Variants in WIPF3 observed in about 807,000 individuals in gnomAD.
WIPF3 encodes the protein WAS/WASL-interacting protein family member 3.
Under a neutral mutation model 38.9 loss-of-function variants are expected in WIPF3, and 33 were observed. The ratio of observed to expected loss-of-function variants is 0.85; its 90% CI spans 0.64 to 1.14. The LOEUF is 1.14. Among genes scored for constraint, WIPF3 ranks in the 50% most tolerant of loss-of-function variants. The pLI is 0.00. For missense variants in WIPF3, 711 were observed against 652.5 expected (o/e 1.09, Z -0.98); for synonymous variants, 324 against 269.3 (o/e 1.20, Z -1.99).
Position 29,836,922 on chromosome 7 carries a change from C to T in WIPF3, c.90+2108C>T, listed in dbSNP as rs139158332. ...GGGAGAATTACTTGAACCCAGGAGG[C>T]GGAGGTTGCAGTGAGCCAACATCGC... On this transcript the variant is annotated intron_variant, in intron 2 of 8. Transcript: ENST00000242140. Among the ~76,000 whole-genome samples, 951 of 152,112 alleles carry T rather than the reference C, an allele frequency of 6.3e-3. 10 individuals carry two copies. Among genetic ancestry groups the T allele is most frequent in the African/African-American group, 0.021 (889 of 41,470 alleles).
chr7:29,843,214 G>A (rs140970997), intron 2 of WIPF3, among the ~76,000 whole-genome samples: 23 of 152,336 alleles, frequency 1.5e-4, no homozygotes, highest in African/African-American at 4.8e-4. Context: ...GGAAGAGAAA[G>A]AGGTGTGGCA....
At chr7:29,886,765 A>ATT (rs927619837) in intron 5 of WIPF3, among the ~76,000 whole-genome samples, 1 of 151,926 alleles carries the variant, frequency 6.6e-6, no homozygotes, top group African/African-American at 2.4e-5. Flanking sequence ...TTAATACTGA[A>ATT]TTTTTTTTAT....
At position 29,875,936 on chromosome 7, in the gene WIPF3, A is replaced by G. The variant is rs367618336; in HGVS notation, c.197A>G (p.Asn66Ser). 22 of 1,613,876 alleles carry G rather than the reference A, an allele frequency of 1.4e-5. No homozygotes were observed. The highest frequency in any genetic ancestry group is 1.9e-5 in the Non-Finnish European group (22 of 1,179,898). ...GTRLRKVTQI[N>S]DRSAPQIESS... ...CGCCTGCGCAAAGTCACGCAGATCA[A>G]CGACCGCAGTGCCCCGCAGATCGAG... The change falls in exon 3 of 9, where the codon AAC (asparagine) becomes AGC (serine). Residue 66 changes from asparagine (N) to serine (S), a missense_variant. Physicochemically the swap from Asn to Ser is conservative, Grantham distance 46 (BLOSUM62 1). Coordinates refer to ENST00000242140, the MANE Select transcript of WIPF3 (RefSeq NM_001080529.3).
At chr7:29,817,711 A>G (rs1038225886) in intron 1 of WIPF3, among the ~76,000 whole-genome samples, 1 of 152,106 alleles carries the variant, frequency 6.6e-6, no homozygotes, top group African/African-American at 2.4e-5. Flanking sequence ...ACCATTACTG[A>G]TTCTCCATAT....
chr7:29,810,781 T>C (rs1332106948), intron 1 of WIPF3, among the ~76,000 whole-genome samples: 4 of 152,262 alleles, frequency 2.6e-5, no homozygotes, highest in Admixed American at 1.3e-4. Context: ...TTATTTGCTG[T>C]ATGATCTTGG....
chr7:29,868,629 T>C (rs2128071971), intron 2 of WIPF3, among the ~76,000 whole-genome samples: 1 of 152,126 alleles, frequency 6.6e-6, no homozygotes. Context: ...AAAGGGTATA[T>C]GTTCTGAAGC....
Position 29,889,369 on chromosome 7 carries a change from A to G in WIPF3, c.1313A>G (p.Lys438Arg), listed in dbSNP as rs1329542732. ...VEDFPPPDEY[K>R]PCQKIYPSKI... ...GACTTTCCCCCTCCGGATGAATATAAACCATGCCAGAAGATTTACCCCAGC... is the reference window on the plus strand; with the variant it reads ...GACTTTCCCCCTCCGGATGAATATAGACCATGCCAGAAGATTTACCCCAGC... Residue 438 changes from lysine (K) to arginine (R), a missense_variant, in exon 7 of 9, where the codon AAA becomes AGA. Physicochemically the swap from Lys to Arg is conservative, Grantham distance 26. Coordinates refer to ENST00000242140, the MANE Select transcript of WIPF3 (RefSeq NM_001080529.3). 1.2e-6 allele frequency: 2 copies of G among 1,613,868 alleles called. No homozygotes were observed. Among genetic ancestry groups the G allele is most frequent in the Non-Finnish European group, 1.7e-6 (2 of 1,179,896 alleles).
intron 2 of WIPF3, among the ~76,000 whole-genome samples, chr7:29,854,776 C>T (rs779154678): frequency 1.3e-5 from 2 of 152,180 alleles, no homozygotes; most frequent in Non-Finnish European, 2.9e-5. Flanking sequence ...AATCCTAACC[C>T]CCAGTGCCTC....
At chr7:29,812,847 T>C (rs1393376402) in intron 1 of WIPF3, among the ~76,000 whole-genome samples, 1 of 152,218 alleles carries the variant, frequency 6.6e-6, no homozygotes, top group Non-Finnish European at 1.5e-5. Flanking sequence ...GACTCAGTAA[T>C]TTTAAATGTT....
intron 1 of WIPF3, among the ~76,000 whole-genome samples, chr7:29,808,822 G>C (rs1784328293): frequency 6.6e-6 from 1 of 152,010 alleles, no homozygotes; most frequent in African/African-American, 2.4e-5. Context: ...ATATAGTACA[G>C]GTTGCGAGTT....
At chr7:29,829,453 A>T (rs1315790306) in intron 1 of WIPF3, among the ~76,000 whole-genome samples, 1 of 151,852 alleles carries the variant, frequency 6.6e-6, no homozygotes, top group African/African-American at 2.4e-5. Flanking sequence ...TCCTGACCTC[A>T]AGTGATCCAC....
intron 2 of WIPF3, among the ~76,000 whole-genome samples, chr7:29,868,624 G>C (rs542743170): frequency 6.6e-6 from 1 of 151,682 alleles, no homozygotes; most frequent in Non-Finnish European, 1.5e-5. Flanking sequence ...TTAACAAAGG[G>C]TATATGTTCT....
intron 1 of WIPF3, among the ~76,000 whole-genome samples, chr7:29,822,328 A>T (rs10230325): frequency 0.13 from 19,802 of 152,028 alleles, 1,543 homozygotes; most frequent in African/African-American, 0.21. Context: ...TATGTGTGTT[A>T]TAAGACTCAT....
At chr7:29,825,240 T>A (rs1784598382) in intron 1 of WIPF3, among the ~76,000 whole-genome samples, 1 of 152,206 alleles carries the variant, frequency 6.6e-6, no homozygotes, top group Non-Finnish European at 1.5e-5. Context: ...CTGGGCTTAA[T>A]ACCTAGATGA....
chr7:29,879,246 G>A (rs1296515455), intron 4 of WIPF3, 106 bp downstream of exon 4: 4 of 1,368,458 alleles, frequency 2.9e-6, no homozygotes, highest in South Asian at 1.4e-5. Flanking sequence ...TTTACTGAAC[G>A]GGCATGATAG....
intron 5 of WIPF3, among the ~76,000 whole-genome samples, chr7:29,885,763 C>A (rs1398389376): frequency 6.6e-6 from 1 of 152,166 alleles, no homozygotes; most frequent in Non-Finnish European, 1.5e-5. Flanking sequence ...CTGTGGGGAG[C>A]TATGATTGTG....
chr7:29,872,798 CAAAAAAAAAA>C (rs61693654), intron 2 of WIPF3, among the ~76,000 whole-genome samples: 2 of 31,034 alleles, frequency 6.4e-5, no homozygotes, highest in African/African-American at 1.4e-4. Flanking sequence ...GACTCCATCT[CAAAAAAAAAA>C]AAAAAAAAAA....
intron 2 of WIPF3, among the ~76,000 whole-genome samples, chr7:29,835,428 A>G (rs1411143109): frequency 6.6e-6 from 1 of 152,144 alleles, no homozygotes; most frequent in African/African-American, 2.4e-5. Flanking sequence ...CCTTGGCACC[A>G]CTGACATTTG....
intron 4 of WIPF3, among the ~76,000 whole-genome samples, chr7:29,883,505 G>A (rs560562504): frequency 6.6e-6 from 1 of 152,206 alleles, no homozygotes; most frequent in African/African-American, 2.4e-5. Flanking sequence ...GAATGAGTTC[G>A]TGAGTGTGGC....
Sources: gnomAD v4.1 joint callset for allele counts (sites outside exome capture counted in the v4.1 genomes callset) on GRCh38, gnomAD v4.1.1 for gene constraint, MANE v1.5 for transcripts, NCBI Gene and HGNC (gene_info 2026-07-23, HGNC 2026-07-21) for gene names.